The following CSGALNACT2 variants were observed in gnomAD, a reference collection of about 807,000 sequenced individuals.
CSGALNACT2 encodes chondroitin sulfate N-acetylgalactosaminyltransferase 2, also known as beta 4 GalNAcT-2.
A neutral mutation model predicts 55.3 loss-of-function variants in CSGALNACT2; 35 were observed. That is an observed-to-expected ratio of 0.63 (90% confidence interval 0.48 to 0.84). The LOEUF (loss-of-function observed/expected upper bound fraction) is 0.84. Ranked by LOEUF, CSGALNACT2 falls within the 40% of genes least tolerant of loss-of-function variation. CSGALNACT2 has a pLI of 0.00. For missense variants in CSGALNACT2, 544 were observed against 657.5 expected (o/e 0.83, Z 1.89); for synonymous variants, 196 against 224.9 (o/e 0.87, Z 1.15).
At chr10:43,152,009 G>T (rs1251813558) in intron 1 of CSGALNACT2, among the ~76,000 whole-genome samples, 1 of 152,202 alleles carries the variant, frequency 6.6e-6, no homozygotes, top group African/African-American at 2.4e-5. Context: ...GTAAAAGGAA[G>T]TCAGTTTTTT....
intron 1 of CSGALNACT2, among the ~76,000 whole-genome samples, chr10:43,140,104 G>A (rs1838586417): frequency 6.6e-6 from 1 of 152,180 alleles, no homozygotes; most frequent in Non-Finnish European, 1.5e-5. Flanking sequence ...TGAGGCGGGA[G>A]GTGGAGGTTG....
intron 4 of CSGALNACT2, 166 bp from the exon 5 acceptor site, chr10:43,163,700 A>G: frequency 1.0e-6 from 1 of 985,300 alleles, no homozygotes; most frequent in Non-Finnish European, 1.2e-6. Flanking sequence ...TCTCTCCCTG[A>G]TGATAATCAT....
chr10:43,176,726 A>G (rs1839487875), intron 7 of CSGALNACT2, among the ~76,000 whole-genome samples: 1 of 152,094 alleles, frequency 6.6e-6, no homozygotes, highest in South Asian at 2.1e-4. Context: ...CACCACACCC[A>G]GTTAATTTTT....
intron 7 of CSGALNACT2, among the ~76,000 whole-genome samples, chr10:43,177,945 C>T (rs1186258169): frequency 6.6e-6 from 1 of 152,138 alleles, no homozygotes; most frequent in East Asian, 1.9e-4. Flanking sequence ...CTTTTTGTTT[C>T]TAGTATCACC....
At chr10:43,164,587 G>A (rs1342335573) in intron 5 of CSGALNACT2, among the ~76,000 whole-genome samples, 2 of 152,192 alleles carry the variant, frequency 1.3e-5, no homozygotes, top group African/African-American at 2.4e-5. Context: ...AGGGGCTCAC[G>A]CCTATAATCT....
At chr10:43,147,631 C>T (rs1333386382) in intron 1 of CSGALNACT2, among the ~76,000 whole-genome samples, 2 of 152,086 alleles carry the variant, frequency 1.3e-5, no homozygotes, top group Non-Finnish European at 2.9e-5. Context: ...GAATTACATG[C>T]TAGTGGATGT....
intron 5 of CSGALNACT2, among the ~76,000 whole-genome samples, chr10:43,164,918 T>G (rs1839228692): frequency 1.3e-5 from 2 of 151,988 alleles, no homozygotes; most frequent in Admixed American, 1.3e-4. Context: ...TTAGTTCATT[T>G]AAAAGAATTA....
intron 2 of CSGALNACT2, among the ~76,000 whole-genome samples, chr10:43,158,095 C>T (rs1470174125): frequency 6.6e-6 from 1 of 151,060 alleles, no homozygotes; most frequent in Admixed American, 6.6e-5. Context: ...AAAGGCATCT[C>T]AAATCACTGT....
rs1415785884 is a variant in CSGALNACT2 at position 43,185,293 on chromosome 10, A to G, written c.*1751A>G. On this transcript the variant is annotated 3_prime_UTR_variant, in exon 8 of 8. Transcript: ENST00000374466. Reference sequence around the variant, plus strand: ...GGTACCAATAAAGTATTTTATTACCAAAAGTTAAATGAAAATGTGATAAAT... The same window carrying G: ...GGTACCAATAAAGTATTTTATTACCGAAAGTTAAATGAAAATGTGATAAAT... 5 of 152,256 alleles carry G rather than the reference A, an allele frequency of 3.3e-5. No individual in the cohort carries two copies. The highest frequency in any genetic ancestry group is 1.2e-4 in the African/African-American group (5 of 41,466). The allele number at this position is 152,256 out of a possible 1,614,324, so 9.4% of individuals were successfully genotyped here. A position where few individuals can be genotyped will look rare whatever the true frequency, so the allele number is the denominator to read the frequency against.
chr10:43,162,756 G>T (rs2133127072), intron 4 of CSGALNACT2: 1 of 933,182 alleles, frequency 1.1e-6, no homozygotes, highest in Non-Finnish European at 1.3e-6. Flanking sequence ...AAATGTAGAG[G>T]CTTCTCTCCA....
intron 5 of CSGALNACT2, among the ~76,000 whole-genome samples, chr10:43,165,693 T>C (rs958215582): frequency 6.6e-6 from 1 of 152,090 alleles, no homozygotes; most frequent in Non-Finnish European, 1.5e-5. Context: ...TTTAAAAGAA[T>C]TAAAAGTATT....
chr10:43,153,198 G>C (rs1838915901), intron 1 of CSGALNACT2, among the ~76,000 whole-genome samples: 2 of 152,162 alleles, frequency 1.3e-5, no homozygotes, highest in South Asian at 4.2e-4. Flanking sequence ...AGCCGGGCGT[G>C]GTGGCCGGCG....
chr10:43,158,917 T>C lies in CSGALNACT2; in HGVS notation c.864T>C (p.Phe288=). The change falls in exon 3 of 8, where the codon TTT becomes TTC. Residue 288 remains phenylalanine (F), a synonymous_variant. Coordinates refer to ENST00000374466, the MANE Select transcript of CSGALNACT2 (RefSeq NM_018590.5). ...LAERTEAFVQ[F]MQNFRDVCIH... Reference sequence around the variant, plus strand: ...AAAGAACTGAAGCATTTGTACAATTTATGCAGAACTTCAGGTAACTGTCAG... The same window carrying C: ...AAAGAACTGAAGCATTTGTACAATTCATGCAGAACTTCAGGTAACTGTCAG... 2 of 1,600,910 alleles carry C rather than the reference T, an allele frequency of 1.2e-6. No individual in the cohort carries two copies. Among genetic ancestry groups the C allele is most frequent in the Non-Finnish European group, 1.7e-6 (2 of 1,168,644 alleles).
intron 1 of CSGALNACT2, among the ~76,000 whole-genome samples, chr10:43,140,666 A>G (rs528443996): frequency 1.2e-4 from 18 of 152,354 alleles, no homozygotes; most frequent in African/African-American, 4.3e-4. Flanking sequence ...TACCAAAAGG[A>G]TATGACTGAA....
At position 43,185,041 on chromosome 10, in the gene CSGALNACT2, C is replaced by T. The variant is rs1839668796; in HGVS notation, c.*1499C>T. On this transcript the variant is annotated 3_prime_UTR_variant, in exon 8 of 8. Transcript: ENST00000374466. ...GTGAAATGTTCTCTGCAAAATAATT[C>T]AGGCCACTGTCTCCTTTTATATATT... is the stretch of plus-strand genomic sequence containing the variant. The T allele has an allele frequency of 6.6e-6, 1 of 151,942 alleles. No individual in the cohort carries two copies. The highest frequency in any genetic ancestry group is 2.4e-5 in the African/African-American group (1 of 41,388). 9.4% of individuals were successfully genotyped at this position (151,942 alleles called of 1,614,324 possible). A position where few individuals can be genotyped will look rare whatever the true frequency, so the allele number is the denominator to read the frequency against.
At chr10:43,175,893 T>A (rs535659827) in intron 6 of CSGALNACT2, 58 bp from the exon 7 acceptor site, 2 of 1,453,690 alleles carry the variant, frequency 1.4e-6, no homozygotes, top group African/African-American at 2.9e-5. Flanking sequence ...CATCGTTGAT[T>A]AAAACTTCTG....
chr10:43,157,883 G>T (rs182104171), intron 2 of CSGALNACT2, among the ~76,000 whole-genome samples: 152 of 152,072 alleles, frequency 1.0e-3, no homozygotes, highest in African/African-American at 3.5e-3. Context: ...ACAAAAATTA[G>T]CTGGGCGTGG....
At chr10:43,169,406 C>T (rs1229024529) in intron 6 of CSGALNACT2, among the ~76,000 whole-genome samples, 1 of 152,048 alleles carries the variant, frequency 6.6e-6, no homozygotes. Flanking sequence ...TAAAATATAT[C>T]TTTGAGGAGA....
chr10:43,167,380 T>A (rs1335523469), intron 6 of CSGALNACT2, among the ~76,000 whole-genome samples: 1,778 of 152,304 alleles, frequency 0.012, 37 homozygotes, highest in African/African-American at 0.04. Context: ...CAGTCATTTC[T>A]ACCAGCTTAT....
Sources: allele counts gnomAD v4.1 joint callset (sites outside exome capture counted in the v4.1 genomes callset), GRCh38; gene constraint gnomAD v4.1.1; transcripts MANE v1.5; gene names NCBI Gene and HGNC (gene_info 2026-07-23, HGNC 2026-07-21).